Variants in GNAQ observed in about 807,000 individuals in gnomAD.
GNAQ encodes G protein subunit alpha q.
GNAQ carries 8 observed loss-of-function variants against 43.9 expected under a neutral mutation model. That is an observed-to-expected ratio of 0.18 (90% CI 0.11 to 0.33). The LOEUF is 0.33. GNAQ is among the 10% of genes least tolerant of loss of function. The pLI, the probability that GNAQ is intolerant of heterozygous loss-of-function variation, is 1.00. For synonymous variants in GNAQ, 155 were observed against 170.7 expected (o/e 0.91, Z 0.71); for missense variants, 158 against 450.8 (o/e 0.35, Z 5.88).
At chr9:77,729,475 GGCTGTTCCT>G (rs1825451494) in intron 5 of GNAQ, among the ~76,000 whole-genome samples, 1 of 152,022 alleles carries the variant, frequency 6.6e-6, no homozygotes, top group Non-Finnish European at 1.5e-5. Context: ...TGCTATTTGA[GGCTGTTCCT>G]GAGTTAAATC....
Position 77,721,493 on chromosome 9 carries a change from C to G in GNAQ, c.910G>C (p.Ala304Pro), listed in dbSNP as rs376987002. The G allele has an allele frequency of 6.2e-7, 1 of 1,610,824 alleles. No individual in the cohort carries two copies. The highest frequency in any genetic ancestry group is 8.5e-7 in the Non-Finnish European group (1 of 1,177,874). Reference protein sequence around the residue: ...EYDGPQRDAQAAREFILKMFV... With the variant: ...EYDGPQRDAQPAREFILKMFV... ...ATCTTCAGAATGAATTCTCGGGCTGCCTGGGCATCTCTCTGGGGTCCTTTC... is the reference window on the plus strand; with the variant it reads ...ATCTTCAGAATGAATTCTCGGGCTGGCTGGGCATCTCTCTGGGGTCCTTTC... The change falls in exon 7 of 7, where the codon GCA becomes CCA. Residue 304 changes from alanine to proline, a missense_variant. Physicochemically the swap from Ala to Pro is conservative, Grantham distance 27 (BLOSUM62 -1). This residue lies in a region of GNAQ where 56 missense variants were observed against 172.2 expected (regional missense o/e 0.33). Coordinates refer to ENST00000286548, the MANE Select transcript of GNAQ (RefSeq NM_002072.5).
intron 4 of GNAQ, among the ~76,000 whole-genome samples, chr9:77,796,339 A>G (rs1158710218): frequency 6.6e-6 from 1 of 152,160 alleles, no homozygotes; most frequent in Non-Finnish European, 1.5e-5. Context: ...CACAGGAGAT[A>G]ATAACTTCTG....
chr9:77,922,228 G>A lies in GNAQ; in HGVS notation c.254C>T (p.Thr85Met), dbSNP rs761634659. Residue 85 changes from threonine to methionine, a missense_variant, in exon 2 of 7, where the codon ACG (threonine) becomes ATG (methionine). Coordinates refer to ENST00000286548, the MANE Select transcript of GNAQ (RefSeq NM_002072.5). ...GGCTCTGATCATGGCCTGCATGGCCGTGAAGATGTTCTGATACACCAGCTT... is the reference window on the plus strand; with the variant it reads ...GGCTCTGATCATGGCCTGCATGGCCATGAAGATGTTCTGATACACCAGCTT... ...FTKLVYQNIFTAMQAMIRAMD... is the reference protein window; with the variant it reads ...FTKLVYQNIFMAMQAMIRAMD... 6 of 1,612,490 alleles carry A rather than the reference G, an allele frequency of 3.7e-6. No individual in the cohort carries two copies. The highest frequency in any genetic ancestry group is 1.1e-5 in the South Asian group (1 of 91,060).
At chr9:77,827,401 AC>A (rs1285060163) in intron 2 of GNAQ, among the ~76,000 whole-genome samples, 2 of 146,400 alleles carry the variant, frequency 1.4e-5, no homozygotes, top group African/African-American at 2.5e-5. Context: ...AAAAAAAAAA[AC>A]TGAGCAACTT....
At chr9:77,985,976 C>T (rs1286368023) in intron 1 of GNAQ, among the ~76,000 whole-genome samples, 1 of 152,102 alleles carries the variant, frequency 6.6e-6, no homozygotes, top group East Asian at 1.9e-4. Flanking sequence ...TTTTTCTGGA[C>T]AGTTTGACTG....
intron 1 of GNAQ, among the ~76,000 whole-genome samples, chr9:78,026,488 A>G (rs908596508): frequency 1.3e-5 from 2 of 152,346 alleles, no homozygotes; most frequent in South Asian, 4.1e-4. Flanking sequence ...TTGGAAGCTA[A>G]AAGAGTAGCA....
chr9:77,881,876 G>C (rs181825708), intron 2 of GNAQ, among the ~76,000 whole-genome samples: 14 of 152,278 alleles, frequency 9.2e-5, no homozygotes, highest in Admixed American at 9.1e-4. Flanking sequence ...GGTGGCCTAC[G>C]CCTATAATCC....
chr9:77,825,436 G>A (rs368489956), intron 2 of GNAQ, among the ~76,000 whole-genome samples: 58 of 152,190 alleles, frequency 3.8e-4, no homozygotes, highest in African/African-American at 7.9e-4. Flanking sequence ...CAGCCTACAC[G>A]CCAGACCATA....
At position 77,945,740 on chromosome 9, in the gene GNAQ, A is replaced by C. The variant is rs1822881669; in HGVS notation, c.137-23395T>G. Among the ~76,000 whole-genome samples the C allele has an allele frequency of 5.9e-5, 9 of 152,224 alleles. No individual in the cohort carries two copies. In the South Asian group the frequency reaches 1.9e-3, roughly 32 times the overall value. ...ATAATATAGTTAAATTTATAGGAGC[A>C]TTAAGACCTATTAAAGGCAGCCAAG... is the stretch of plus-strand genomic sequence containing the variant. On this transcript the variant is annotated intron_variant, in intron 1 of 6. Transcript: ENST00000286548.
At chr9:77,960,021 T>C (rs569499476) in intron 1 of GNAQ, among the ~76,000 whole-genome samples, 1 of 152,200 alleles carries the variant, frequency 6.6e-6, no homozygotes, top group Non-Finnish European at 1.5e-5. Context: ...TCCTTGCCTC[T>C]TCACTCAACA....
At chr9:78,020,202 A>C (rs1431505396) in intron 1 of GNAQ, among the ~76,000 whole-genome samples, 1 of 152,164 alleles carries the variant, frequency 6.6e-6, no homozygotes, top group African/African-American at 2.4e-5. Flanking sequence ...AGGAGATGCA[A>C]GCCAAGCAAA....
intron 6 of GNAQ, among the ~76,000 whole-genome samples, chr9:77,723,157 C>T (rs935044766): frequency 6.6e-6 from 1 of 152,162 alleles, no homozygotes; most frequent in African/African-American, 2.4e-5. Flanking sequence ...AAAAGATGCT[C>T]AATAATGGTA....
chr9:77,873,828 G>A (rs1013077342), intron 2 of GNAQ, among the ~76,000 whole-genome samples: 4 of 152,098 alleles, frequency 2.6e-5, no homozygotes, highest in Non-Finnish European at 5.9e-5. Flanking sequence ...AGCCTTTGCC[G>A]GGCGCGGTGG....
intron 1 of GNAQ, among the ~76,000 whole-genome samples, chr9:77,987,854 G>C (rs1197619558): frequency 6.6e-6 from 1 of 152,058 alleles, no homozygotes; most frequent in Non-Finnish European, 1.5e-5. Flanking sequence ...AGCACAGTGA[G>C]ACCCCCATCT....
intron 4 of GNAQ, among the ~76,000 whole-genome samples, chr9:77,796,486 T>C (rs1050341623): frequency 5.3e-5 from 8 of 152,174 alleles, no homozygotes; most frequent in Non-Finnish European, 1.0e-4. Flanking sequence ...TACAACTGAG[T>C]GATTGCATAA....
At chr9:77,802,348 A>G (rs1380459640) in intron 3 of GNAQ, among the ~76,000 whole-genome samples, 3 of 152,146 alleles carry the variant, frequency 2.0e-5, no homozygotes, top group Non-Finnish European at 4.4e-5. Flanking sequence ...GAAAAAGGGA[A>G]CTTTGTTCCC....
At chr9:77,870,976 T>C (rs1361540834) in intron 2 of GNAQ, among the ~76,000 whole-genome samples, 1 of 152,194 alleles carries the variant, frequency 6.6e-6, no homozygotes, top group African/African-American at 2.4e-5. Context: ...CTAACTGTAA[T>C]GAACATGTGA....
At chr9:77,769,365 C>T (rs1410991540) in intron 5 of GNAQ, among the ~76,000 whole-genome samples, 1 of 150,816 alleles carries the variant, frequency 6.6e-6, no homozygotes. Context: ...GATTGCGCCA[C>T]TGCACTCCAG....
chr9:77,780,487 C>T (rs1826377424), intron 5 of GNAQ, among the ~76,000 whole-genome samples: 2 of 150,708 alleles, frequency 1.3e-5, no homozygotes, highest in Admixed American at 1.3e-4. Flanking sequence ...TGTGTACATA[C>T]ATACTACATT....
Sources: gnomAD v4.1 joint callset for allele counts (sites outside exome capture counted in the v4.1 genomes callset) on GRCh38, gnomAD v4.1.1 for gene constraint, gnomAD v4.1.1 regional missense constraint, MANE v1.5 for transcripts, NCBI Gene and HGNC (gene_info 2026-07-23, HGNC 2026-07-21) for gene names.